GPC5: variants seen among roughly 807,000 people sequenced by gnomAD.
The protein encoded by GPC5 is glypican 5, also known as glypican-5.
GPC5 carries 47 observed loss-of-function variants against 53.9 expected under a neutral mutation model. The ratio of observed to expected loss-of-function variants is 0.87; its 90% CI spans 0.69 to 1.11. GPC5 has a LOEUF of 1.11. Ranked by LOEUF, GPC5 falls within the 50% of genes most tolerant of loss-of-function variation. The probability of loss-of-function intolerance (pLI) is 0.00; values close to 1 mark genes in which losing one functional copy is unlikely to be tolerated. For synonymous variants in GPC5, 286 were observed against 263.3 expected (o/e 1.09, Z -0.84); for missense variants, 748 against 713.1 (o/e 1.05, Z -0.56).
chr13:92,588,600 G>A (rs1052264278), intron 7 of GPC5, among the ~76,000 whole-genome samples: 2 of 152,114 alleles, frequency 1.3e-5, no homozygotes, highest in Admixed American at 1.3e-4. Flanking sequence ...AACACTGTTA[G>A]TCTCTTTCTA....
chr13:92,226,363 C>G (rs1007173900), intron 7 of GPC5, among the ~76,000 whole-genome samples: 3 of 152,216 alleles, frequency 2.0e-5, no homozygotes, highest in Non-Finnish European at 2.9e-5. Flanking sequence ...GGATATATAT[C>G]CTTTCTCCAT....
intron 7 of GPC5, among the ~76,000 whole-genome samples, chr13:92,658,325 G>C (rs1442912140): frequency 2.6e-5 from 4 of 152,160 alleles, no homozygotes; most frequent in Non-Finnish European, 5.9e-5. Flanking sequence ...TGAAGCGCAA[G>C]ACACAATACA....
At chr13:91,679,498 G>A (rs563759473) in intron 2 of GPC5, among the ~76,000 whole-genome samples, 1 of 152,146 alleles carries the variant, frequency 6.6e-6, no homozygotes, top group Non-Finnish European at 1.5e-5. Flanking sequence ...GTGGTCTGGG[G>A]TTCCGGAAAC....
intron 6 of GPC5, among the ~76,000 whole-genome samples, chr13:91,984,134 A>G (rs1392036088): frequency 6.6e-6 from 1 of 152,154 alleles, no homozygotes; most frequent in Non-Finnish European, 1.5e-5. Context: ...TCCTCATACC[A>G]CGGTGAAGTT....
At chr13:92,591,581 T>A (rs1160922054) in intron 7 of GPC5, among the ~76,000 whole-genome samples, 1 of 152,190 alleles carries the variant, frequency 6.6e-6, no homozygotes, top group Non-Finnish European at 1.5e-5. Context: ...CACACATAGT[T>A]GTCATTTTTG....
intron 7 of GPC5, among the ~76,000 whole-genome samples, chr13:92,458,024 C>A (rs987175030): frequency 3.9e-5 from 6 of 152,106 alleles, no homozygotes; most frequent in Non-Finnish European, 5.9e-5. Context: ...TTCTTCAAAG[C>A]ATTTCCAAAA....
chr13:91,554,864 C>T (rs540108462), intron 2 of GPC5, among the ~76,000 whole-genome samples: 9 of 152,154 alleles, frequency 5.9e-5, no homozygotes, highest in South Asian at 4.1e-4. Context: ...AACACACAGG[C>T]GGAAGCCCTA....
chr13:92,149,612 A>T (rs1330351047), intron 7 of GPC5, among the ~76,000 whole-genome samples: 1 of 152,012 alleles, frequency 6.6e-6, no homozygotes. Context: ...CTGTGCACAG[A>T]GCAAAATGAA....
chr13:92,198,067 A>G (rs896874089), intron 7 of GPC5, among the ~76,000 whole-genome samples: 8 of 152,186 alleles, frequency 5.3e-5, no homozygotes, highest in African/African-American at 1.9e-4. Context: ...TTCTCAGTCT[A>G]AAGTCAAATA....
At chr13:91,549,820 T>G (rs868787127) in intron 2 of GPC5, among the ~76,000 whole-genome samples, 1 of 152,242 alleles carries the variant, frequency 6.6e-6, no homozygotes, top group South Asian at 2.1e-4. Flanking sequence ...GAATGCAAAA[T>G]AGTGCAGCTA....
intron 2 of GPC5, among the ~76,000 whole-genome samples, chr13:91,597,794 C>T (rs2033047525): frequency 6.6e-6 from 1 of 152,118 alleles, no homozygotes; most frequent in Non-Finnish European, 1.5e-5. Flanking sequence ...CCCTGATACC[C>T]TTTCAGCTTG....
intron 6 of GPC5, among the ~76,000 whole-genome samples, chr13:92,050,333 A>G (rs570425895): frequency 1.3e-5 from 2 of 152,216 alleles, no homozygotes; most frequent in Admixed American, 1.3e-4. Context: ...TTTTTTTAAA[A>G]AAAGCAATAA....
At chr13:91,513,105 T>G (rs1322789798) in intron 2 of GPC5, among the ~76,000 whole-genome samples, 1 of 152,194 alleles carries the variant, frequency 6.6e-6, no homozygotes, top group African/African-American at 2.4e-5. Context: ...GCTGCACCTA[T>G]GAACCCATCA....
chr13:91,617,246 G>A (rs1189360766), intron 2 of GPC5, among the ~76,000 whole-genome samples: 4 of 152,164 alleles, frequency 2.6e-5, no homozygotes, highest in African/African-American at 9.7e-5. Context: ...ATGTGGCTAT[G>A]TATGAGAGTG....
chr13:91,942,885 C>A (rs2039940797), intron 6 of GPC5, among the ~76,000 whole-genome samples: 1 of 151,938 alleles, frequency 6.6e-6, no homozygotes, highest in South Asian at 2.1e-4. Context: ...ATACATTAAC[C>A]ATCCATATAC....
intron 7 of GPC5, among the ~76,000 whole-genome samples, chr13:92,863,987 A>G (rs1192890046): frequency 6.6e-6 from 1 of 152,206 alleles, no homozygotes; most frequent in Non-Finnish European, 1.5e-5. Flanking sequence ...TCTTTAATGT[A>G]TTAATACAAT....
intron 2 of GPC5, among the ~76,000 whole-genome samples, chr13:91,628,266 T>G (rs2034061511): frequency 1.3e-5 from 2 of 152,128 alleles, no homozygotes; most frequent in South Asian, 4.1e-4. Flanking sequence ...AGCTTTTTTT[T>G]TCCATTAAGT....
intron 5 of GPC5, among the ~76,000 whole-genome samples, chr13:91,855,115 T>C (rs941164552): frequency 6.6e-6 from 1 of 151,828 alleles, no homozygotes; most frequent in Non-Finnish European, 1.5e-5. Context: ...TTTCAGTCTT[T>C]ATAGTCTAAA....
At chr13:92,566,688 A>G (rs115369810) in intron 7 of GPC5, among the ~76,000 whole-genome samples, 1 of 152,096 alleles carries the variant, frequency 6.6e-6, no homozygotes, top group Non-Finnish European at 1.5e-5. Flanking sequence ...TAACAAATCC[A>G]TCAATGCTCC....
Sources: allele counts gnomAD v4.1 joint callset (sites outside exome capture counted in the v4.1 genomes callset), GRCh38; gene constraint gnomAD v4.1.1; transcripts MANE v1.5; gene names NCBI Gene and HGNC (gene_info 2026-07-23, HGNC 2026-07-21).